The following GTF3C5 variants were observed in gnomAD, a reference collection of about 807,000 sequenced individuals.
GTF3C5 encodes general transcription factor 3C polypeptide 5.
A neutral mutation model predicts 61.0 loss-of-function variants in GTF3C5; 47 were observed. The ratio of observed to expected loss-of-function variants is 0.77; its 90% CI spans 0.61 to 0.98. GTF3C5 has a LOEUF of 0.98. GTF3C5 is among the 50% of genes least tolerant of loss of function. The pLI is 0.00. For synonymous variants in GTF3C5, 295 were observed against 275.4 expected (o/e 1.07, Z -0.71); for missense variants, 659 against 703.3 (o/e 0.94, Z 0.71).
chr9:133,040,967 A>T (rs1850021918), intron 1 of GTF3C5, among the ~76,000 whole-genome samples: 1 of 152,254 alleles, frequency 6.6e-6, no homozygotes, highest in South Asian at 2.1e-4. Context: ...CTCGCTCTAT[A>T]ATCATAACCT....
chr9:133,037,064 A>C (rs1389373991), intron 1 of GTF3C5, among the ~76,000 whole-genome samples: 1 of 152,074 alleles, frequency 6.6e-6, no homozygotes, highest in Non-Finnish European at 1.5e-5. Flanking sequence ...CTTGTTCTAG[A>C]ATCTGACCGA....
At chr9:133,044,182 A>G (rs1850133887) in intron 3 of GTF3C5, 1 of 516,190 alleles carries the variant, frequency 1.9e-6, no homozygotes. Flanking sequence ...AAATGGGATG[A>G]CAGTAGTACT....
chr9:133,040,331 C>G (rs919318600), intron 1 of GTF3C5, among the ~76,000 whole-genome samples: 3 of 152,328 alleles, frequency 2.0e-5, no homozygotes, highest in Admixed American at 1.3e-4. Context: ...GGAACCAGCT[C>G]ACTAGCACGT....
At chr9:133,056,544 A>G (rs925278558) in intron 9 of GTF3C5, among the ~76,000 whole-genome samples, 5 of 152,162 alleles carry the variant, frequency 3.3e-5, no homozygotes, top group African/African-American at 1.2e-4. Context: ...TGCAGTGGTA[A>G]CACGGCCAGC....
At chr9:133,049,986 A>G (rs991700293) in intron 3 of GTF3C5, among the ~76,000 whole-genome samples, 1 of 152,128 alleles carries the variant, frequency 6.6e-6, no homozygotes, top group Non-Finnish European at 1.5e-5. Flanking sequence ...GGTGTTGGAC[A>G]TTCTATGTGT....
Position 133,054,755 on chromosome 9 carries a change from C to A in GTF3C5, c.1113C>A (p.Gly371=). The change falls in exon 8 of 11, where the codon GGC becomes GGA. Residue 371 remains glycine, a synonymous_variant. Coordinates refer to ENST00000372097, the MANE Select transcript of GTF3C5 (RefSeq NM_012087.4). ...VTMHDLKQGL[G]PSGTSGARKP... is the part of the protein sequence containing the mutation. ...TGCATGACCTGAAGCAGGGCCTGGG[C>A]CCGTCGGGGACGAGTGGTGCTCGGA... The A allele has an allele frequency of 6.3e-7, 1 of 1,585,018 alleles. No homozygotes were observed. The highest frequency in any genetic ancestry group is 1.8e-5 in the Admixed American group (1 of 55,196).
chr9:133,054,782 A>G lies in GTF3C5; in HGVS notation c.1140A>G (p.Lys380=). The G allele has an allele frequency of 6.3e-7, 1 of 1,580,590 alleles. No individual in the cohort carries two copies. Among genetic ancestry groups the G allele is most frequent in the Non-Finnish European group, 8.6e-7 (1 of 1,163,730 alleles). The change falls in exon 8 of 11, where the codon AAA becomes AAG. Residue 380 remains lysine (K), a synonymous_variant. Transcript: ENST00000372097. ...CGTCGGGGACGAGTGGTGCTCGGAAACCAGCTTCCAGCAAGTACAAGCTCA... is the reference window on the plus strand; with the variant it reads ...CGTCGGGGACGAGTGGTGCTCGGAAGCCAGCTTCCAGCAAGTACAAGCTCA... ...LGPSGTSGAR[K]PASSKYKLKD...
intron 3 of GTF3C5, among the ~76,000 whole-genome samples, chr9:133,045,717 A>C (rs1006518240): frequency 2.6e-5 from 4 of 152,116 alleles, no homozygotes; most frequent in African/African-American, 9.7e-5. Flanking sequence ...GCTCACTGCA[A>C]CCTCTGCTTC....
At chr9:133,030,989 C>G (rs376349409), upstream of GTF3C5, 1 of 1,611,192 alleles carries the variant, frequency 6.2e-7, no homozygotes. Flanking sequence ...CGGACCCTGG[C>G]GGGCCCTGCC....
chr9:133,036,224 C>T (rs1311453952), intron 1 of GTF3C5, among the ~76,000 whole-genome samples: 1 of 152,276 alleles, frequency 6.6e-6, no homozygotes, highest in East Asian at 1.9e-4. Context: ...TTTGGATTCC[C>T]TGTTAGGAGA....
At chr9:133,034,237 G>A (rs1308711592) in intron 1 of GTF3C5, among the ~76,000 whole-genome samples, 4 of 152,220 alleles carry the variant, frequency 2.6e-5, no homozygotes, top group Non-Finnish European at 5.9e-5. Flanking sequence ...TTGGCTGTCC[G>A]CCTCCCATAT....
At chr9:133,048,326 C>G (rs1236384374) in intron 3 of GTF3C5, among the ~76,000 whole-genome samples, 1 of 152,132 alleles carries the variant, frequency 6.6e-6, no homozygotes, top group Non-Finnish European at 1.5e-5. Flanking sequence ...GAAACCCTGT[C>G]TCTACTAAAA....
chr9:133,054,847 T>C (rs1400755081), intron 8 of GTF3C5, 38 bp downstream of exon 8: 1 of 1,544,508 alleles, frequency 6.5e-7, no homozygotes, highest in Non-Finnish European at 8.8e-7. Flanking sequence ...AGGGGAGGAC[T>C]TCCCTCTTGG....
chr9:133,053,950 T>C lies in GTF3C5; in HGVS notation c.988+8T>C. 6.5e-7 allele frequency: 1 copy of C among 1,545,232 alleles called. No homozygotes were observed. The highest frequency in any genetic ancestry group is 8.9e-7 in the Non-Finnish European group (1 of 1,118,990). On this transcript the variant is annotated splice_region_variant and intron_variant, in intron 6 of 10. Transcript: ENST00000372097. The stretch of plus-strand genomic sequence containing the variant: ...GTTGTGGAATGAAACACGGTAAAAA[T>C]TCCTGAAAGCTTTGCTTCCTGCCTT...
chr9:133,049,604 C>T lies in GTF3C5; in HGVS notation c.573-1179C>T, dbSNP rs556204109. On this transcript the variant is annotated intron_variant, in intron 3 of 10. Coordinates refer to ENST00000372097, the MANE Select transcript of GTF3C5 (RefSeq NM_012087.4). ...TGCTGATCATTGCTGAAGCTGGTGA[C>T]GGGCTTGTGGGGGTTCTTTACACTG... Among the ~76,000 whole-genome samples the T allele has an allele frequency of 7.9e-5, 12 of 152,220 alleles. No homozygotes were observed. The South Asian group carries it at 8.3e-4, about 11-fold the overall frequency.
Position 133,042,079 on chromosome 9 carries a change from T to C in GTF3C5, c.154-8T>C. On this transcript the variant is annotated splice_polypyrimidine_tract_variant and splice_region_variant and intron_variant, in intron 1 of 10. Coordinates refer to ENST00000372097, the MANE Select transcript of GTF3C5 (RefSeq NM_012087.4). Reference sequence around the variant, plus strand: ...TGCTTCACTCTGTCTCCTTTGGCCTTGCCACAGATCTACGCAGACCCCACC... The same window carrying C: ...TGCTTCACTCTGTCTCCTTTGGCCTCGCCACAGATCTACGCAGACCCCACC... The C allele has an allele frequency of 6.2e-7, 1 of 1,608,260 alleles. No homozygotes were observed. The highest frequency in any genetic ancestry group is 8.5e-7 in the Non-Finnish European group (1 of 1,175,752).
intron 8 of GTF3C5, chr9:133,055,488 AGCC>A (rs1283128376): frequency 8.3e-7 from 1 of 1,206,400 alleles, no homozygotes; most frequent in African/African-American, 1.6e-5. Flanking sequence ...ATCATGCCAC[AGCC>A]TGTGCGGCCT....
chr9:133,042,189 C>G lies in GTF3C5; in HGVS notation c.256C>G (p.Leu86Val). 6.2e-7 allele frequency: 1 copy of G among 1,613,988 alleles called. No homozygotes were observed. Among genetic ancestry groups the G allele is most frequent in the Non-Finnish European group, 8.5e-7 (1 of 1,179,818 alleles). ...ANRFSTSSLLLRIRKRTRRQK... is the reference protein window; with the variant it reads ...ANRFSTSSLLVRIRKRTRRQK... ...CCGCTTCAGTACCAGCAGCCTGCTG[C>G]TCCGCATCAGGAAGAGAACGAGGCG... The change falls in exon 2 of 11, where the codon CTC (leucine) becomes GTC (valine). Residue 86 changes from leucine (L) to valine (V), a missense_variant. Coordinates refer to ENST00000372097, the MANE Select transcript of GTF3C5 (RefSeq NM_012087.4).
Position 133,055,132 on chromosome 9 carries a change from G to T in GTF3C5, c.1167+323G>T, listed in dbSNP as rs1250911123. ...TGAGCCACGTGACCACTCCGGGAAT[G>T]ATCGGAATTGGGCACACACAGGAGG... On this transcript the variant is annotated intron_variant, in intron 8 of 10. Coordinates refer to ENST00000372097, the MANE Select transcript of GTF3C5 (RefSeq NM_012087.4). 2.6e-6 allele frequency: 4 copies of T among 1,548,216 alleles called. No homozygotes were observed. The South Asian group carries it at 3.6e-5, about 14-fold the overall frequency.
Sources: gnomAD v4.1 joint callset for allele counts (sites outside exome capture counted in the v4.1 genomes callset) on GRCh38, gnomAD v4.1.1 for gene constraint, MANE v1.5 for transcripts, NCBI Gene and HGNC (gene_info 2026-07-23, HGNC 2026-07-21) for gene names.